GALNT13: variants seen among roughly 807,000 people sequenced by gnomAD.
GALNT13 encodes UDP-GalNAc:polypeptide N-acetylgalactosaminyltransferase 13.
Under a neutral mutation model 64.2 loss-of-function variants are expected in GALNT13, and 28 were observed. The ratio of observed to expected loss-of-function variants is 0.44; its 90% CI spans 0.32 to 0.60. The LOEUF is 0.60. GALNT13 is among the 20% of genes least tolerant of loss of function. The pLI is 0.05. For synonymous variants in GALNT13, 214 were observed against 224.6 expected, an observed-to-expected ratio of 0.95 and a Z score of 0.42; for missense variants, 577 against 669.8, an observed-to-expected ratio of 0.86 and a Z score of 1.53.
the GALNT13 span, among the ~76,000 whole-genome samples, chr2:153,361,022 G>A: frequency 1.3e-5 from 2 of 152,058 alleles, no homozygotes; most frequent in Non-Finnish European, 2.9e-5. Context: ...GATGGAGCAG[G>A]CACCCATTTT....
intron 3 of GALNT13, among the ~76,000 whole-genome samples, chr2:154,049,117 A>C (rs1366744511): frequency 1.3e-5 from 2 of 152,032 alleles, no homozygotes; most frequent in African/African-American, 4.8e-5. Flanking sequence ...GTAGTCCATC[A>C]AAATGATTAA....
chr2:153,371,754 C>A, the GALNT13 span, among the ~76,000 whole-genome samples: 2 of 151,930 alleles, frequency 1.3e-5, no homozygotes, highest in Non-Finnish European at 2.9e-5. Flanking sequence ...CTAAGAAATC[C>A]CAATCAAAAT....
chr2:154,272,719 A>G (rs891436840), intron 8 of GALNT13, among the ~76,000 whole-genome samples: 14 of 152,252 alleles, frequency 9.2e-5, no homozygotes, highest in East Asian at 3.9e-4. Context: ...AATTAAGTCA[A>G]TTATCCTGCT....
the GALNT13 span, among the ~76,000 whole-genome samples, chr2:153,197,034 T>C: frequency 6.6e-6 from 1 of 152,152 alleles, no homozygotes; most frequent in Non-Finnish European, 1.5e-5. Flanking sequence ...TGAATGGGCC[T>C]GTCCCCAAGC....
chr2:154,234,209 A>G (rs1182892707), intron 4 of GALNT13, among the ~76,000 whole-genome samples: 1 of 152,188 alleles, frequency 6.6e-6, no homozygotes, highest in Non-Finnish European at 1.5e-5. Flanking sequence ...TGTGTCAATG[A>G]TCAGAGTCCT....
the GALNT13 span, among the ~76,000 whole-genome samples, chr2:153,742,885 G>A: frequency 6.7e-6 from 1 of 149,968 alleles, no homozygotes; most frequent in Non-Finnish European, 1.5e-5. Context: ...AAACATACTA[G>A]TGCAGTTGTT....
At chr2:153,198,513 C>T in the GALNT13 span, among the ~76,000 whole-genome samples, 1 of 152,198 alleles carries the variant, frequency 6.6e-6, no homozygotes, top group East Asian at 1.9e-4. Flanking sequence ...AGCATTCTCT[C>T]TTAGGTGTTC....
the GALNT13 span, among the ~76,000 whole-genome samples, chr2:153,633,110 AGTTT>A: frequency 2.6e-5 from 4 of 152,128 alleles, no homozygotes; most frequent in East Asian, 1.9e-4. Context: ...GGTATACCAT[AGTTT>A]GTTTGTTCCT....
At chr2:153,707,527 T>A in the GALNT13 span, among the ~76,000 whole-genome samples, 390 of 152,278 alleles carry the variant, frequency 2.6e-3, 2 homozygotes, top group Non-Finnish European at 3.7e-3. Context: ...ATTCTACCAA[T>A]CAGATGCAAT....
chr2:153,951,900 ATGT>A (rs1692213011), intron 3 of GALNT13, among the ~76,000 whole-genome samples: 1 of 152,120 alleles, frequency 6.6e-6, no homozygotes, highest in African/African-American at 2.4e-5. Flanking sequence ...TTATTGAATG[ATGT>A]TGTAAAAAAG....
At chr2:154,303,561 A>G (rs1282961673) in intron 9 of GALNT13, among the ~76,000 whole-genome samples, 1 of 152,090 alleles carries the variant, frequency 6.6e-6, no homozygotes, top group African/African-American at 2.4e-5. Context: ...GCTGCTTTTC[A>G]TTAAAAAGGA....
the GALNT13 span, among the ~76,000 whole-genome samples, chr2:153,608,363 G>A: frequency 6.6e-6 from 1 of 152,108 alleles, no homozygotes; most frequent in Non-Finnish European, 1.5e-5. Context: ...CGGTGGCAGA[G>A]TGTGTTGAGA....
At chr2:153,071,604 A>G in the GALNT13 span, among the ~76,000 whole-genome samples, 1 of 152,312 alleles carries the variant, frequency 6.6e-6, no homozygotes, top group South Asian at 2.1e-4. Context: ...AGAGCTCCAG[A>G]GTGGTTTTAA....
intron 3 of GALNT13, among the ~76,000 whole-genome samples, chr2:154,056,504 C>A (rs1347601381): frequency 6.6e-6 from 1 of 152,068 alleles, no homozygotes; most frequent in Non-Finnish European, 1.5e-5. Context: ...ACTTTGGAAA[C>A]CCTTGAGTTT....
the GALNT13 span, among the ~76,000 whole-genome samples, chr2:153,142,240 T>C: frequency 5.3e-5 from 8 of 152,128 alleles, no homozygotes; most frequent in African/African-American, 1.9e-4. Context: ...GGAGGGGAAG[T>C]GGCTACTTAA....
At chr2:153,444,977 A>G in the GALNT13 span, among the ~76,000 whole-genome samples, 1 of 152,192 alleles carries the variant, frequency 6.6e-6, no homozygotes, top group African/African-American at 2.4e-5. Context: ...AAAAACTACC[A>G]AATTATTTTC....
chr2:153,883,566 C>G (rs58148950), intron 1 of GALNT13, among the ~76,000 whole-genome samples: 24,785 of 151,874 alleles, frequency 0.16, 2,457 homozygotes, highest in East Asian at 0.26. Context: ...TTAAGAAAAA[C>G]AGAAAGACAT....
chr2:154,138,179 C>T (rs562647081), intron 3 of GALNT13, among the ~76,000 whole-genome samples: 1 of 152,082 alleles, frequency 6.6e-6, no homozygotes, highest in African/African-American at 2.4e-5. Context: ...CACTTACTGA[C>T]AATTTATTAT....
the GALNT13 span, among the ~76,000 whole-genome samples, chr2:153,222,107 G>A: frequency 1.3e-5 from 2 of 151,910 alleles, no homozygotes; most frequent in Non-Finnish European, 2.9e-5. Context: ...CAGGAAAAAT[G>A]AGGTATGCGG....
Sources: allele counts gnomAD v4.1 joint callset (sites outside exome capture counted in the v4.1 genomes callset), GRCh38; gene constraint gnomAD v4.1.1; transcripts MANE v1.5; gene names NCBI Gene and HGNC (gene_info 2026-07-23, HGNC 2026-07-21).